The following ULK4 variants were observed in gnomAD, a reference collection of about 807,000 sequenced individuals.
The protein encoded by ULK4 is unc-51 like kinase 4.
ULK4 carries 133 observed loss-of-function variants against 160.6 expected under a neutral mutation model. That is an observed-to-expected ratio of 0.83 (90% CI 0.72 to 0.96). ULK4 has a LOEUF of 0.96. Ranked by LOEUF, ULK4 falls within the 40% of genes least tolerant of loss-of-function variation. ULK4 has a pLI of 0.00. For synonymous variants in ULK4, 534 were observed against 539.8 expected, an observed-to-expected ratio of 0.99 and a Z score of 0.15; for missense variants, 1,580 against 1,499.5, an observed-to-expected ratio of 1.05 and a Z score of -0.89.
At chr3:41,836,297 C>T (rs1446573446) in intron 17 of ULK4, among the ~76,000 whole-genome samples, 4 of 151,984 alleles carry the variant, frequency 2.6e-5, no homozygotes, top group African/African-American at 9.7e-5. Flanking sequence ...CTCAACCTCC[C>T]GAGTAGCTGG....
chr3:41,747,678 T>G (rs985458723), intron 22 of ULK4, among the ~76,000 whole-genome samples: 5 of 151,910 alleles, frequency 3.3e-5, no homozygotes, highest in African/African-American at 1.2e-4. Flanking sequence ...TGACACCATG[T>G]GGGGGGGCAC....
chr3:41,816,848 T>C (rs1023196125), intron 19 of ULK4, among the ~76,000 whole-genome samples: 1 of 152,194 alleles, frequency 6.6e-6, no homozygotes, highest in African/African-American at 2.4e-5. Context: ...AGTTTGCCTA[T>C]GTCAAATGTT....
intron 30 of ULK4, among the ~76,000 whole-genome samples, chr3:41,635,468 TAC>T (rs2033916759): frequency 1.3e-5 from 2 of 152,058 alleles, no homozygotes; most frequent in African/African-American, 4.8e-5. Flanking sequence ...ATATTAATGT[TAC>T]ATTTAGAAAA....
At chr3:41,346,580 C>T (rs1229869340) in intron 35 of ULK4, among the ~76,000 whole-genome samples, 4 of 152,028 alleles carry the variant, frequency 2.6e-5, no homozygotes, top group South Asian at 4.2e-4. Context: ...GGGAGGGAGG[C>T]TGAAAGGGGT....
intron 35 of ULK4, among the ~76,000 whole-genome samples, chr3:41,388,049 T>C (rs2081863405): frequency 6.6e-6 from 1 of 152,190 alleles, no homozygotes; most frequent in South Asian, 2.1e-4. Context: ...TTTCCTGACT[T>C]TGTAATGATT....
chr3:41,541,924 T>C (rs898230030), intron 32 of ULK4, among the ~76,000 whole-genome samples: 6 of 152,170 alleles, frequency 3.9e-5, no homozygotes, highest in African/African-American at 1.2e-4. Context: ...TGGGCTGAGA[T>C]TATAGGTTTT....
chr3:41,317,063 A>ATTTTTTTTTTTTT lies in ULK4; in HGVS notation c.3679-67502_3679-67490dup, dbSNP rs1164870603. On this transcript the variant is annotated intron_variant, in intron 35 of 36. Coordinates refer to ENST00000301831, the MANE Select transcript of ULK4 (RefSeq NM_017886.4). ...TGATGTAAAATAGGCAATTACATCTATTTTTTTTTTTTTTTTTTTTTTTGA... is the reference window on the plus strand; with the variant it reads ...TGATGTAAAATAGGCAATTACATCTATTTTTTTTTTTTTTTTTTTTTTTTTTTTTTTTTTTTGA... 1.3e-3 allele frequency among the ~76,000 whole-genome samples: 127 copies of ATTTTTTTTTTTTT among 94,546 alleles called. 17 individuals carry two copies. The highest frequency in any genetic ancestry group is 1.8e-3 in the Non-Finnish European group (90 of 50,586). 62.0% of individuals were successfully genotyped at this position (94,546 alleles called of 152,430 possible).
chr3:41,534,877 T>C (rs2086444072), intron 32 of ULK4, among the ~76,000 whole-genome samples: 1 of 152,130 alleles, frequency 6.6e-6, no homozygotes, highest in African/African-American at 2.4e-5. Context: ...CACAGTAAGG[T>C]TTATTATAAT....
chr3:41,369,240 G>A (rs1284777816), intron 35 of ULK4, among the ~76,000 whole-genome samples: 1 of 152,146 alleles, frequency 6.6e-6, no homozygotes, highest in Non-Finnish European at 1.5e-5. Flanking sequence ...GCCCCTGCCT[G>A]TACCAGCACT....
chr3:41,354,358 A>G (rs73831340), intron 35 of ULK4, among the ~76,000 whole-genome samples: 7,447 of 152,180 alleles, frequency 0.049, 437 homozygotes, highest in East Asian at 0.21. Context: ...GAATAACGTG[A>G]CAGGGGCTTC....
chr3:41,400,127 C>G (rs923531461), intron 34 of ULK4, among the ~76,000 whole-genome samples: 1 of 152,104 alleles, frequency 6.6e-6, no homozygotes, highest in Non-Finnish European at 1.5e-5. Flanking sequence ...CCCAGTTTCC[C>G]CAATGGAAGC....
intron 32 of ULK4, among the ~76,000 whole-genome samples, chr3:41,502,055 C>T (rs2643979): frequency 0.83 from 126,588 of 152,202 alleles, 54,172 homozygotes; most frequent in Non-Finnish European, 0.94. Context: ...GAATAGTATT[C>T]CATTGTGTAC....
At chr3:41,470,275 T>G (rs774112226) in intron 32 of ULK4, among the ~76,000 whole-genome samples, 1 of 152,142 alleles carries the variant, frequency 6.6e-6, no homozygotes, top group Admixed American at 6.5e-5. Flanking sequence ...ACAATGTCAG[T>G]AGATTTCTTA....
At chr3:41,911,812 T>C (rs907373536) in intron 9 of ULK4, among the ~76,000 whole-genome samples, 153 bp from the exon 10 acceptor site, 3 of 152,192 alleles carry the variant, frequency 2.0e-5, no homozygotes, top group South Asian at 2.1e-4. Context: ...CTCATCCACA[T>C]AGCCATCAAA....
At chr3:41,649,254 G>A (rs567598387) in intron 30 of ULK4, among the ~76,000 whole-genome samples, 141 of 152,294 alleles carry the variant, frequency 9.3e-4, no homozygotes, top group African/African-American at 2.9e-3. Context: ...CATTTGGAGC[G>A]GCCTCTCCAA....
chr3:41,296,026 T>C (rs2079661100), intron 35 of ULK4, among the ~76,000 whole-genome samples: 1 of 152,188 alleles, frequency 6.6e-6, no homozygotes, highest in Non-Finnish European at 1.5e-5. Flanking sequence ...AGTAGATGAC[T>C]GAATAAACTG....
chr3:41,424,476 C>A (rs1055851042), intron 34 of ULK4, among the ~76,000 whole-genome samples: 2 of 152,086 alleles, frequency 1.3e-5, no homozygotes, highest in Admixed American at 6.5e-5. Flanking sequence ...TGTAGGAGCC[C>A]CCAACAGAGG....
At chr3:41,872,499 A>C (rs1697133437) in intron 17 of ULK4, among the ~76,000 whole-genome samples, 1 of 152,212 alleles carries the variant, frequency 6.6e-6, no homozygotes, top group African/African-American at 2.4e-5. Flanking sequence ...CTTTCTGCCT[A>C]AACTCTATGC....
intron 34 of ULK4, among the ~76,000 whole-genome samples, chr3:41,430,597 G>C (rs2082882413): frequency 6.6e-6 from 1 of 152,112 alleles, no homozygotes; most frequent in Non-Finnish European, 1.5e-5. Context: ...CATTACTTCA[G>C]CACATTAATG....
Sources: gnomAD v4.1 joint callset for allele counts (sites outside exome capture counted in the v4.1 genomes callset) on GRCh38, gnomAD v4.1.1 for gene constraint, MANE v1.5 for transcripts, NCBI Gene and HGNC (gene_info 2026-07-23, HGNC 2026-07-21) for gene names.